The following ABCC5 variants were observed in gnomAD, a reference collection of about 807,000 sequenced individuals.
ABCC5 encodes the protein ATP binding cassette subfamily C member 5.
In ABCC5, 61 loss-of-function variants were observed where a neutral mutation model predicts 160.9. That is an observed-to-expected ratio of 0.38 (90% CI 0.31 to 0.47). The LOEUF (loss-of-function observed/expected upper bound fraction) is 0.47, where lower values mean the gene tolerates loss of function less well. Ranked by LOEUF, ABCC5 falls within the 20% of genes least tolerant of loss-of-function variation. The pLI is 0.99. For synonymous variants in ABCC5, 666 were observed against 700.6 expected (o/e 0.95, Z 0.78); for missense variants, 1,308 against 1,813.3 (o/e 0.72, Z 5.06).
At chr3:183,939,618 G>T (rs1012178110) in intron 25 of ABCC5, among the ~76,000 whole-genome samples, 7 of 152,166 alleles carry the variant, frequency 4.6e-5, no homozygotes, top group African/African-American at 1.7e-4. Flanking sequence ...TCTTAGTGCT[G>T]AAACTTTACT....
chr3:184,008,074 A>G (rs1199424969), intron 2 of ABCC5, among the ~76,000 whole-genome samples: 2 of 152,132 alleles, frequency 1.3e-5, no homozygotes, highest in East Asian at 3.9e-4. Context: ...TTCTCCTTTT[A>G]CTAATTCCCA....
intron 8 of ABCC5, among the ~76,000 whole-genome samples, chr3:183,979,799 G>T (rs1342398602): frequency 6.6e-6 from 1 of 152,010 alleles, no homozygotes; most frequent in Non-Finnish European, 1.5e-5. Flanking sequence ...GGCTGGTCTT[G>T]AACTCCTGGG....
intron 2 of ABCC5, chr3:184,010,013 A>T (rs1281275823): frequency 4.6e-6 from 2 of 432,934 alleles, no homozygotes; most frequent in African/African-American, 4.1e-5. Flanking sequence ...TTAATAAAAA[A>T]TAAAAGTTCA....
intron 2 of ABCC5, among the ~76,000 whole-genome samples, chr3:184,012,048 A>AC (rs1188969764): frequency 1.0e-5 from 1 of 97,878 alleles, no homozygotes; most frequent in African/African-American, 3.3e-5. Flanking sequence ...CACACACACA[A>AC]ATGAGTGCAT....
rs575527725 is a variant in ABCC5 at position 183,973,211 on chromosome 3, C to T, written c.1405-1292G>A. Among the ~76,000 whole-genome samples, 29 of 151,780 alleles carry T rather than the reference C, an allele frequency of 1.9e-4. No homozygotes were observed. The South Asian group carries it at 5.2e-3, about 27-fold the overall frequency. On this transcript the variant is annotated intron_variant, in intron 10 of 29. Transcript: ENST00000334444. ...CTGGGACTACAGGTGCCCGCCACCA[C>T]GCCTGGCTAATTTTTTGTATTTTTA...
At chr3:183,961,029 T>A (rs1447919037) in intron 16 of ABCC5, among the ~76,000 whole-genome samples, 1 of 152,168 alleles carries the variant, frequency 6.6e-6, no homozygotes, top group Non-Finnish European at 1.5e-5. Context: ...GCGCAAGCAA[T>A]CTGTCCACCT....
At chr3:183,980,281 CT>C (rs1196186607) in intron 8 of ABCC5, among the ~76,000 whole-genome samples, 1 of 152,248 alleles carries the variant, frequency 6.6e-6, no homozygotes, top group African/African-American at 2.4e-5. Flanking sequence ...CATAAAAACA[CT>C]GAACTCCTTA....
intron 2 of ABCC5, among the ~76,000 whole-genome samples, chr3:184,003,236 A>G (rs1385760852): frequency 6.6e-6 from 1 of 152,136 alleles, no homozygotes; most frequent in Non-Finnish European, 1.5e-5. Context: ...AGTGAATTAA[A>G]ATTCACTTTT....
At chr3:184,014,785 A>T (rs1167319688) in intron 1 of ABCC5, among the ~76,000 whole-genome samples, 3 of 151,610 alleles carry the variant, frequency 2.0e-5, no homozygotes, top group African/African-American at 4.8e-5. Context: ...TTTTTTTTTT[A>T]AAGACTTTCT....
At chr3:184,001,603 G>A (rs1270625162) in intron 2 of ABCC5, among the ~76,000 whole-genome samples, 6 of 152,174 alleles carry the variant, frequency 3.9e-5, no homozygotes, top group Non-Finnish European at 8.8e-5. Flanking sequence ...GTCCAGGGAT[G>A]CTGCTGAACA....
At chr3:183,950,595 C>T (rs4148587) in intron 20 of ABCC5, among the ~76,000 whole-genome samples, 15,825 of 152,192 alleles carry the variant, frequency 0.1, 1,121 homozygotes, top group East Asian at 0.34. Flanking sequence ...CCCACCCCAC[C>T]GCCTTTTTTC....
In ABCC5 at chr3:183,942,814, G is replaced by A. The variant is rs1054495666; in HGVS notation, c.3607C>T (p.Arg1203Ter). 1 of 1,614,082 alleles carries A rather than the reference G, an allele frequency of 6.2e-7. No homozygotes were observed. The highest frequency in any genetic ancestry group is 8.5e-7 in the Non-Finnish European group (1 of 1,179,998). ...TTTAGGACGAGAGGGAGGTTTTCTC[G>A]GTACCTCATCTCTGCGTTCTCAAAG... is the stretch of plus-strand genomic sequence containing the variant. ...VTFENAEMRY[R>*]ENLPLVLKKV... Residue 1203 changes from arginine to a stop codon, truncating the protein, a stop_gained, in exon 25 of 30, where the codon CGA (arginine) becomes TGA (stop). Transcript: ENST00000334444. LOFTEE classifies it high-confidence loss of function.
intron 2 of ABCC5, chr3:184,010,109 C>T (rs910625826): frequency 3.8e-6 from 1 of 263,298 alleles, no homozygotes; most frequent in Admixed American, 4.3e-5. Context: ...GAGTTCAAGA[C>T]CAGCCTGGCC....
At chr3:184,006,264 C>CCT (rs1721193031) in intron 2 of ABCC5, 1 of 147,196 alleles carries the variant, frequency 6.8e-6, no homozygotes, top group Non-Finnish European at 1.5e-5. Context: ...GACTACTGTG[C>CCT]CTCATAAAGC....
At chr3:183,961,468 G>A (rs1379512534) in intron 16 of ABCC5, 43 bp downstream of exon 16, 2 of 1,606,056 alleles carry the variant, frequency 1.2e-6, no homozygotes, top group Non-Finnish European at 1.7e-6. Flanking sequence ...TGTTTCCCTT[G>A]CAGAGACAGA....
Position 183,987,749 on chromosome 3 carries a change from GA to G in ABCC5, c.591+20del. 6.2e-7 allele frequency: 1 copy of G among 1,614,140 alleles called. No individual in the cohort carries two copies. The highest frequency in any genetic ancestry group is 8.5e-7 in the Non-Finnish European group (1 of 1,180,024). ...GTGGCCGGGCCCCTGGAGACTGTCG[GA>G]AAGGATGGTTAGAACTTACTGGTCC... On this transcript the variant is annotated intron_variant, in intron 5 of 29. Coordinates refer to ENST00000334444, the MANE Select transcript of ABCC5 (RefSeq NM_005688.4). This position sits in a 1 kb window ranked among gnomAD's most constrained non-coding sequence, Gnocchi z 4.2.
intron 25 of ABCC5, among the ~76,000 whole-genome samples, 165 bp from the exon 26 acceptor site, chr3:183,938,225 C>T (rs963556881): frequency 6.6e-6 from 1 of 152,192 alleles, no homozygotes; most frequent in Non-Finnish European, 1.5e-5. Flanking sequence ...ATGCAATTAA[C>T]TTTCCTGAGA....
At chr3:183,993,871 C>T (rs568344000) in intron 2 of ABCC5, among the ~76,000 whole-genome samples, 1 of 151,896 alleles carries the variant, frequency 6.6e-6, no homozygotes, top group Admixed American at 6.6e-5. Flanking sequence ...TTGCCTCATA[C>T]ATCATCGAGG....
chr3:183,998,962 T>C (rs1014900281), intron 2 of ABCC5, among the ~76,000 whole-genome samples: 9 of 151,844 alleles, frequency 5.9e-5, no homozygotes, highest in African/African-American at 1.7e-4. Context: ...TGGTGGCACA[T>C]GCCTATAGTC....
Sources: allele counts gnomAD v4.1 joint callset (sites outside exome capture counted in the v4.1 genomes callset), GRCh38; gene constraint gnomAD v4.1.1; non-coding constraint Gnocchi (gnomAD v3.1); transcripts MANE v1.5; gene names NCBI Gene and HGNC (gene_info 2026-07-23, HGNC 2026-07-21).